The following LPP variants were observed in gnomAD, a reference collection of about 807,000 sequenced individuals.
The protein encoded by LPP is LIM domain containing preferred translocation partner in lipoma.
Under a neutral mutation model 60.4 loss-of-function variants are expected in LPP, and 38 were observed. The observed-to-expected ratio is 0.63, with a 90% CI of 0.49 to 0.83. The LOEUF (loss-of-function observed/expected upper bound fraction) is 0.83, where lower values mean the gene tolerates loss of function less well. Ranked by LOEUF, LPP falls within the 40% of genes least tolerant of loss-of-function variation. The probability of loss-of-function intolerance (pLI) is 0.00; values close to 1 mark genes in which losing one functional copy is unlikely to be tolerated. For synonymous variants in LPP, 328 were observed against 290.8 expected (o/e 1.13, Z -1.30); for missense variants, 902 against 783.6 (o/e 1.15, Z -1.80).
chr3:188,629,690 A>G (rs946679976), intron 7 of LPP, among the ~76,000 whole-genome samples: 1 of 152,160 alleles, frequency 6.6e-6, no homozygotes, highest in Non-Finnish European at 1.5e-5. Flanking sequence ...ATTCCTGTCA[A>G]ACTACCAATA....
At chr3:188,276,442 G>A (rs946097094) in intron 2 of LPP, among the ~76,000 whole-genome samples, 3 of 152,128 alleles carry the variant, frequency 2.0e-5, no homozygotes, top group Non-Finnish European at 4.4e-5. Flanking sequence ...GTGGTTCGTG[G>A]CCCTGGGGCC....
chr3:188,448,023 G>C (rs995737172), intron 4 of LPP, among the ~76,000 whole-genome samples: 3 of 152,150 alleles, frequency 2.0e-5, no homozygotes, highest in African/African-American at 7.2e-5. Context: ...TCAGTGGGTT[G>C]AATTTGTAAG....
chr3:188,162,305 G>A (rs943359826), intron 1 of LPP, among the ~76,000 whole-genome samples: 5 of 152,206 alleles, frequency 3.3e-5, no homozygotes, highest in African/African-American at 1.2e-4. Context: ...TAACTGGGGT[G>A]CAGGGCCTTA....
At chr3:188,717,179 T>C (rs187633137) in intron 8 of LPP, among the ~76,000 whole-genome samples, 16 of 152,362 alleles carry the variant, frequency 1.1e-4, no homozygotes, top group African/African-American at 3.6e-4. Flanking sequence ...CTACAGACTT[T>C]AAATTCTTTT....
chr3:188,276,253 T>A (rs1416908264), intron 2 of LPP, among the ~76,000 whole-genome samples: 1 of 152,218 alleles, frequency 6.6e-6, no homozygotes, highest in African/African-American at 2.4e-5. Flanking sequence ...CTTCTCAGGC[T>A]CTTCTGTGTC....
intron 3 of LPP, among the ~76,000 whole-genome samples, chr3:188,364,120 A>G (rs1770390062): frequency 6.6e-6 from 1 of 152,154 alleles, no homozygotes; most frequent in Non-Finnish European, 1.5e-5. Flanking sequence ...TATCTACCTC[A>G]AGGATTACTT....
In LPP at chr3:188,820,600, A is replaced by T. The variant is rs902668410; in HGVS notation, c.1411-45600A>T. ...TTCTCCTCACTATAGCCCATTTCTAACATATCCCAACTTAATTTCCTAAAT... is the reference window on the plus strand; with the variant it reads ...TTCTCCTCACTATAGCCCATTTCTATCATATCCCAACTTAATTTCCTAAAT... On this transcript the variant is annotated intron_variant, in intron 9 of 11. Coordinates refer to ENST00000617246, the MANE Select transcript of LPP (RefSeq NM_001375462.1). Among the ~76,000 whole-genome samples, 4 of 152,174 alleles carry T rather than the reference A, an allele frequency of 2.6e-5. 1 individual carries two copies. In the East Asian group the frequency reaches 7.7e-4, roughly 29 times the overall value.
chr3:188,628,231 A>C lies in LPP; in HGVS notation c.1113+18387A>C, dbSNP rs77885480. On this transcript the variant is annotated intron_variant, in intron 7 of 11. Transcript: ENST00000617246. ...AAACTAATTCCAAAGTTGATAGAAG[A>C]AAATAAATAGTTAAAATCAGAGCTG... 2.9e-3 allele frequency among the ~76,000 whole-genome samples: 439 copies of C among 152,260 alleles called. 1 individual carries two copies. The highest frequency in any genetic ancestry group is 4.7e-3 in the Non-Finnish European group (321 of 67,988).
chr3:188,418,349 G>A (rs1280652016), intron 4 of LPP, among the ~76,000 whole-genome samples: 1 of 152,044 alleles, frequency 6.6e-6, no homozygotes, highest in Non-Finnish European at 1.5e-5. Context: ...ATATTGTAGT[G>A]GATTTATTAG....
chr3:188,185,167 G>T (rs1393155527), intron 1 of LPP, among the ~76,000 whole-genome samples: 5 of 151,524 alleles, frequency 3.3e-5, no homozygotes. Context: ...AAGGAGGCCT[G>T]GTTTTGAAAT....
chr3:188,845,031 A>C (rs1761062175), intron 9 of LPP, among the ~76,000 whole-genome samples: 1 of 152,178 alleles, frequency 6.6e-6, no homozygotes. Context: ...AGAGCTTTAA[A>C]CTCTAACTTT....
intron 1 of LPP, among the ~76,000 whole-genome samples, chr3:188,155,120 G>A (rs1715845199): frequency 6.6e-6 from 1 of 152,126 alleles, no homozygotes. Flanking sequence ...GGGAGGTTGT[G>A]ATATGAGATG....
intron 3 of LPP, among the ~76,000 whole-genome samples, chr3:188,357,735 T>C (rs1459825137): frequency 2.0e-5 from 3 of 152,160 alleles, no homozygotes; most frequent in African/African-American, 7.2e-5. Context: ...CTGAGTATAG[T>C]TTTGGCCAAA....
intron 8 of LPP, among the ~76,000 whole-genome samples, chr3:188,735,548 A>T (rs1486871897): frequency 6.6e-6 from 1 of 151,304 alleles, no homozygotes; most frequent in Non-Finnish European, 1.5e-5. Context: ...TGCCCGGCTA[A>T]TTTTTTTGTA....
intron 2 of LPP, among the ~76,000 whole-genome samples, chr3:188,233,059 C>G (rs1310332396): frequency 2.0e-5 from 3 of 152,144 alleles, no homozygotes; most frequent in Non-Finnish European, 4.4e-5. Flanking sequence ...TTTACACTGT[C>G]CCCTTGGATT....
At chr3:188,219,103 A>G (rs1049005630) in intron 1 of LPP, among the ~76,000 whole-genome samples, 1 of 152,108 alleles carries the variant, frequency 6.6e-6, no homozygotes, top group Admixed American at 6.5e-5. Flanking sequence ...TAAACATGTT[A>G]GCCTGCGTGT....
chr3:188,504,875 T>C (rs930092064), intron 5 of LPP, among the ~76,000 whole-genome samples: 6 of 151,930 alleles, frequency 3.9e-5, no homozygotes, highest in African/African-American at 1.5e-4. Context: ...CTAATGATAG[T>C]TGCCCCTTTT....
chr3:188,515,513 G>A (rs765217622), intron 5 of LPP, among the ~76,000 whole-genome samples: 2 of 152,078 alleles, frequency 1.3e-5, no homozygotes, highest in Non-Finnish European at 2.9e-5. Flanking sequence ...TAACGTTTTT[G>A]TGCTTTATCA....
intron 8 of LPP, among the ~76,000 whole-genome samples, chr3:188,752,003 A>G (rs997658327): frequency 5.3e-5 from 8 of 152,164 alleles, no homozygotes; most frequent in Non-Finnish European, 1.2e-4. Flanking sequence ...ATTGACTGTC[A>G]TCTTTAGAGA....
Sources: allele counts gnomAD v4.1 joint callset (sites outside exome capture counted in the v4.1 genomes callset), GRCh38; gene constraint gnomAD v4.1.1; transcripts MANE v1.5; gene names NCBI Gene and HGNC (gene_info 2026-07-23, HGNC 2026-07-21).